SUSD5: variants seen among roughly 807,000 people sequenced by gnomAD.
SUSD5 encodes the protein sushi domain containing 5.
In SUSD5, 33 loss-of-function variants were observed where a neutral mutation model predicts 29.5. The observed-to-expected ratio is 1.12, with a 90% CI of 0.85 to 1.49. The LOEUF is 1.49. Among genes scored for constraint, SUSD5 ranks in the 40% most tolerant of loss-of-function variants. SUSD5 has a pLI of 0.00. For synonymous variants in SUSD5, 308 were observed against 325.3 expected, an observed-to-expected ratio of 0.95 and a Z score of 0.57; for missense variants, 776 against 800.6, an observed-to-expected ratio of 0.97 and a Z score of 0.37.
In SUSD5 at chr3:33,188,012, T is replaced by C. The variant is rs572256833; in HGVS notation, c.410-12938A>G. Among the ~76,000 whole-genome samples the C allele has an allele frequency of 1.7e-4, 26 of 152,322 alleles. No homozygotes were observed. In the South Asian group the frequency reaches 5.2e-3, roughly 30 times the overall value. On this transcript the variant is annotated intron_variant, in intron 3 of 4. Coordinates refer to ENST00000309558, the MANE Select transcript of SUSD5 (RefSeq NM_015551.2). ...TTTCAACCATTTCAACATCAAGAGA[T>C]ATATCTATTATTTTTCCTTCCAAGA...
At chr3:33,201,615 C>T (rs112808162) in intron 3 of SUSD5, among the ~76,000 whole-genome samples, 9 of 152,276 alleles carry the variant, frequency 5.9e-5, no homozygotes, top group African/African-American at 2.2e-4. Context: ...GACCTGATGC[C>T]CACCTAGGCC....
chr3:33,212,717 A>G (rs2032344615), intron 2 of SUSD5, among the ~76,000 whole-genome samples: 1 of 152,194 alleles, frequency 6.6e-6, no homozygotes, highest in African/African-American at 2.4e-5. Flanking sequence ...CTCACAGCAC[A>G]CCCATCTCAG....
chr3:33,153,213 G>C lies in SUSD5; in HGVS notation c.1419C>G (p.Pro473=). 6.2e-7 allele frequency: 1 copy of C among 1,613,820 alleles called. No individual in the cohort carries two copies. Among genetic ancestry groups the C allele is most frequent in the Non-Finnish European group, 8.5e-7 (1 of 1,179,852 alleles). Residue 473 remains proline (P), a synonymous_variant, in exon 5 of 5, where the codon CCC becomes CCG. Transcript: ENST00000309558. ...GDLTKYQSTL[P]WRFITEESPM... The stretch of plus-strand genomic sequence containing the variant: ...GAGATTCCTCTGTGATGAATCTCCA[G>C]GGTAGAGTTGACTGGTACTTCGTCA...
At chr3:33,203,328 A>C (rs201248930) in intron 3 of SUSD5, among the ~76,000 whole-genome samples, 1 of 152,090 alleles carries the variant, frequency 6.6e-6, no homozygotes, top group South Asian at 2.1e-4. Flanking sequence ...GTTAAGCCCC[A>C]GGAGAACAGT....
chr3:33,214,949 T>C (rs1001280574), intron 1 of SUSD5, among the ~76,000 whole-genome samples: 10 of 151,990 alleles, frequency 6.6e-5, no homozygotes, highest in African/African-American at 2.2e-4. Flanking sequence ...TCACCAACTT[T>C]TTCATAATAT....
chr3:33,157,739 C>T (rs981931983), intron 4 of SUSD5, among the ~76,000 whole-genome samples: 4 of 152,202 alleles, frequency 2.6e-5, no homozygotes, highest in Admixed American at 1.3e-4. Context: ...GGAGCCCTGC[C>T]AGCTGCCATG....
intron 4 of SUSD5, among the ~76,000 whole-genome samples, chr3:33,154,512 GACTCAAAAACAACAACAACAAAAACAACA>G (rs1363609719): frequency 2.6e-5 from 4 of 151,736 alleles, no homozygotes; most frequent in Admixed American, 6.6e-5. Flanking sequence ...GACAGAGTGA[GACTCAAAAACAACAACAACAAAAACAACA>G]ACTCAAAAAC....
In SUSD5 at chr3:33,212,891, T is replaced by G. The variant is rs185155048; in HGVS notation, c.290+1037A>C. 3.0e-3 allele frequency among the ~76,000 whole-genome samples: 459 copies of G among 152,280 alleles called. 4 individuals are homozygous for G. The highest frequency in any genetic ancestry group is 0.01 in the African/African-American group (430 of 41,560). ...CAAACACACCTATTGATGGCAGTGGTGTGAAAAAATTTGTGGCCATATTTT... is the reference window on the plus strand; with the variant it reads ...CAAACACACCTATTGATGGCAGTGGGGTGAAAAAATTTGTGGCCATATTTT... On this transcript the variant is annotated intron_variant, in intron 2 of 4. Transcript: ENST00000309558.
chr3:33,203,259 G>T (rs534782171), intron 3 of SUSD5, among the ~76,000 whole-genome samples: 1 of 152,334 alleles, frequency 6.6e-6, no homozygotes, highest in Non-Finnish European at 1.5e-5. Context: ...AGGAGAAAAG[G>T]CAGAGGGACA....
chr3:33,153,266 C>T lies in SUSD5; in HGVS notation c.1366G>A (p.Glu456Lys), dbSNP rs769973333. 13 of 1,613,794 alleles carry T rather than the reference C, an allele frequency of 8.1e-6. No individual in the cohort carries two copies. Among genetic ancestry groups the T allele is most frequent in the East Asian group, 2.2e-5 (1 of 44,884 alleles). The change falls in exon 5 of 5, where the codon GAG becomes AAG. Residue 456 changes from glutamate to lysine, a missense_variant. Transcript: ENST00000309558. ...TCACCATCCCCAATGCCCTCAGTCT[C>T]GGAAGCATTCACGGGTCTGAGCGCC... The part of the protein sequence containing the change: ...ALALRPVNAS[E>K]TEGIGDGDLT...
Position 33,153,849 on chromosome 3 carries a change from G to T in SUSD5, c.783C>A (p.Ala261=). ...VSISVGRENI[A]RDKVFVPTTG... The stretch of plus-strand genomic sequence containing the variant: ...TGGTTGGCACAAAGACTTTATCCCG[G>T]GCTATGTTTTCTCTCCCCACAGAAA... The change falls in exon 5 of 5, where the codon GCC becomes GCA. Residue 261 remains alanine (A), a synonymous_variant. Transcript: ENST00000309558. 6.2e-7 allele frequency: 1 copy of T among 1,613,900 alleles called. No individual in the cohort carries two copies. Among genetic ancestry groups the T allele is most frequent in the Non-Finnish European group, 8.5e-7 (1 of 1,179,856 alleles).
Position 33,186,183 on chromosome 3 carries a change from T to G in SUSD5, c.410-11109A>C, listed in dbSNP as rs547676685. On this transcript the variant is annotated intron_variant, in intron 3 of 4. Transcript: ENST00000309558. ...TGGGCGTGGTGGCAGGCGCCTGTAG[T>G]CCCAGCTACTCGGGAGGCTGAGGCA... is the stretch of plus-strand genomic sequence containing the variant. 7.6e-3 allele frequency among the ~76,000 whole-genome samples: 1,151 copies of G among 151,828 alleles called. 6 individuals carry two copies. The highest frequency in any genetic ancestry group is 0.018 in the Admixed American group (278 of 15,264).
At chr3:33,216,528 T>C (rs945360083) in intron 1 of SUSD5, among the ~76,000 whole-genome samples, 1 of 152,208 alleles carries the variant, frequency 6.6e-6, no homozygotes. Flanking sequence ...AATTACAGGC[T>C]AATATGTTTC....
rs2030983242 is a variant in SUSD5 at position 33,153,869 on chromosome 3, C to G, written c.763G>C (p.Val255Leu). 2.5e-6 allele frequency: 4 copies of G among 1,613,912 alleles called. No homozygotes were observed. Among genetic ancestry groups the G allele is most frequent in the Admixed American group, 3.3e-5 (2 of 60,008 alleles). Residue 255 changes from valine to leucine, a missense_variant, in exon 5 of 5, where the codon GTG becomes CTG. Physicochemically the swap from Val to Leu is conservative, Grantham distance 32 (BLOSUM62 1). Transcript: ENST00000309558. ...PKQDRLVSIS[V>L]GRENIARDKV... ...TCCCGGGCTATGTTTTCTCTCCCCA[C>G]AGAAATGGAGACCAGACGGTCCTGT...
In SUSD5 at chr3:33,156,446, C is replaced by A. The variant is rs117866970; in HGVS notation, c.599-2413G>T. On this transcript the variant is annotated intron_variant, in intron 4 of 4. Coordinates refer to ENST00000309558, the MANE Select transcript of SUSD5 (RefSeq NM_015551.2). ...CAACTGAATAAGAAGCAATAGAGCC[C>A]CACAACTAGGAGACCAGAATGTAAG... is the stretch of plus-strand genomic sequence containing the variant. Among the ~76,000 whole-genome samples the A allele has an allele frequency of 1.4e-4, 22 of 152,186 alleles. No individual in the cohort carries two copies. In the East Asian group the frequency reaches 2.1e-3, roughly 15 times the overall value.
At chr3:33,185,064 G>A (rs1018005157) in intron 3 of SUSD5, among the ~76,000 whole-genome samples, 1 of 152,206 alleles carries the variant, frequency 6.6e-6, no homozygotes, top group Non-Finnish European at 1.5e-5. Context: ...GAGAGGAAGT[G>A]TTCTAGAGTC....
intron 4 of SUSD5, among the ~76,000 whole-genome samples, chr3:33,170,215 G>C (rs376809632): frequency 6.6e-6 from 1 of 152,144 alleles, no homozygotes; most frequent in Non-Finnish European, 1.5e-5. Context: ...CACCGCGCCC[G>C]GCCGCATCAG....
At chr3:33,214,185 G>T (rs1433639720) in intron 1 of SUSD5, 80 bp from the exon 2 acceptor site, 3 of 1,410,024 alleles carry the variant, frequency 2.1e-6, no homozygotes, top group Non-Finnish European at 2.9e-6. Context: ...TCTGGCAGAC[G>T]CCAGTTAGAA....
At chr3:33,157,637 A>G (rs146362314) in intron 4 of SUSD5, among the ~76,000 whole-genome samples, 1 of 152,246 alleles carries the variant, frequency 6.6e-6, no homozygotes, top group Non-Finnish European at 1.5e-5. Flanking sequence ...GATGGGGCCC[A>G]TTTTTTCATC....
Sources: gnomAD v4.1 joint callset for allele counts (sites outside exome capture counted in the v4.1 genomes callset) on GRCh38, gnomAD v4.1.1 for gene constraint, MANE v1.5 for transcripts, NCBI Gene and HGNC (gene_info 2026-07-23, HGNC 2026-07-21) for gene names.